Variants in TLL1 observed in about 807,000 individuals in gnomAD.
TLL1 encodes the protein tolloid-like protein 1.
Under a neutral mutation model 128.2 loss-of-function variants are expected in TLL1, and 49 were observed. That is an observed-to-expected ratio of 0.38 (90% CI 0.30 to 0.48). The LOEUF (loss-of-function observed/expected upper bound fraction) is 0.48. TLL1 is among the 20% of genes least tolerant of loss of function. The pLI is 0.96. For synonymous variants in TLL1, 454 were observed against 418.8 expected (o/e 1.08, Z -1.03); for missense variants, 1,123 against 1,242.0 (o/e 0.90, Z 1.44).
intron 12 of TLL1, among the ~76,000 whole-genome samples, chr4:166,045,282 C>T (rs115125479): frequency 2.5e-3 from 383 of 151,906 alleles, no homozygotes; most frequent in Non-Finnish European, 4.2e-3. Context: ...TGACCAAAAC[C>T]GAACCCTTGC....
At chr4:166,030,771 T>C in intron 9 of TLL1, 2 of 1,104,710 alleles carry the variant, frequency 1.8e-6, no homozygotes, top group Non-Finnish European at 2.2e-6. Context: ...TGCTCATGTT[T>C]CTGACTTCTA....
Position 166,007,930 on chromosome 4 carries a change from C to T in TLL1, c.812-13C>T. ...AAAAGGCTTCTGAGATTTTGTTTAT[C>T]CCTGGTTCTTAGGTCAAGAGTACAA... is the stretch of plus-strand genomic sequence containing the variant. On this transcript the variant is annotated splice_polypyrimidine_tract_variant and intron_variant, in intron 6 of 20. Coordinates refer to ENST00000061240, the MANE Select transcript of TLL1 (RefSeq NM_012464.5). The T allele has an allele frequency of 1.9e-6, 3 of 1,565,136 alleles. No individual in the cohort carries two copies. Among genetic ancestry groups the T allele is most frequent in the Non-Finnish European group, 2.6e-6 (3 of 1,136,572 alleles).
intron 1 of TLL1, among the ~76,000 whole-genome samples, chr4:165,951,157 C>T (rs1447320293): frequency 6.6e-6 from 1 of 152,008 alleles, no homozygotes; most frequent in Admixed American, 6.6e-5. Context: ...ATGAAATAGA[C>T]AAATTATTTG....
chr4:166,083,637 A>G lies in TLL1; in HGVS notation c.2442+5607A>G, dbSNP rs1257291723. Among the ~76,000 whole-genome samples, 2 of 122,866 alleles carry G rather than the reference A, an allele frequency of 1.6e-5. 1 individual carries two copies. Among genetic ancestry groups the G allele is most frequent in the Non-Finnish European group, 3.8e-5 (2 of 52,184 alleles). The allele number at this position is 122,866 out of a possible 152,430, so 80.6% of individuals were successfully genotyped here. Reference sequence around the variant, plus strand: ...ATTCCACATGTAAGTGTGACCATGTAGTATTTATCTTTCTGTGCCTGGCTT... The same window carrying G: ...ATTCCACATGTAAGTGTGACCATGTGGTATTTATCTTTCTGTGCCTGGCTT... On this transcript the variant is annotated intron_variant, in intron 18 of 20. Transcript: ENST00000061240.
At chr4:166,047,662 C>T (rs1037423998) in intron 12 of TLL1, among the ~76,000 whole-genome samples, 2 of 152,000 alleles carry the variant, frequency 1.3e-5, no homozygotes, top group Non-Finnish European at 2.9e-5. Flanking sequence ...TTGCCAGTGC[C>T]ATTTGCATTT....
intron 5 of TLL1, 88 bp from the exon 6 acceptor site, chr4:166,003,303 A>C (rs762939013): frequency 7.4e-6 from 10 of 1,348,642 alleles, no homozygotes; most frequent in Non-Finnish European, 1.1e-5. Context: ...TTTATAGCTC[A>C]TCACTATTCT....
At chr4:165,880,986 G>A (rs561736625) in intron 1 of TLL1, among the ~76,000 whole-genome samples, 5 of 152,270 alleles carry the variant, frequency 3.3e-5, no homozygotes, top group East Asian at 3.9e-4. Flanking sequence ...AAACCACCTT[G>A]GCATTAGCTC....
intron 1 of TLL1, among the ~76,000 whole-genome samples, chr4:165,889,659 G>C (rs990759585): frequency 1.2e-4 from 19 of 152,126 alleles, no homozygotes; most frequent in Admixed American, 1.1e-3. Flanking sequence ...GCTTTTCTTT[G>C]TCAGTGAGGT....
chr4:165,996,013 G>GT (rs1333906329), intron 5 of TLL1, among the ~76,000 whole-genome samples: 2 of 151,918 alleles, frequency 1.3e-5, no homozygotes, highest in Non-Finnish European at 2.9e-5. Context: ...CTGCCAAACT[G>GT]TTTTTCCTCA....
At chr4:165,878,257 TAGTC>T (rs1730808878) in intron 1 of TLL1, among the ~76,000 whole-genome samples, 1 of 152,210 alleles carries the variant, frequency 6.6e-6, no homozygotes, top group African/African-American at 2.4e-5. Flanking sequence ...ATTTATTTCT[TAGTC>T]GGTGCCTCTC....
chr4:165,884,512 G>T (rs1731089606), intron 1 of TLL1, among the ~76,000 whole-genome samples: 1 of 152,158 alleles, frequency 6.6e-6, no homozygotes, highest in Non-Finnish European at 1.5e-5. Flanking sequence ...TAAGCAGCTT[G>T]GTTTTAAAAT....
chr4:166,015,209 C>T (rs1194424638), intron 8 of TLL1, among the ~76,000 whole-genome samples: 1 of 152,002 alleles, frequency 6.6e-6, no homozygotes, highest in Non-Finnish European at 1.5e-5. Context: ...CCAGTATACT[C>T]ACAATATTTG....
At chr4:165,977,971 T>C (rs1735968279) in intron 1 of TLL1, among the ~76,000 whole-genome samples, 1 of 152,214 alleles carries the variant, frequency 6.6e-6, no homozygotes, top group Non-Finnish European at 1.5e-5. Flanking sequence ...TATGAACTAA[T>C]GGGTTTAAAC....
At chr4:165,913,076 C>T (rs551661263) in intron 1 of TLL1, among the ~76,000 whole-genome samples, 41 of 152,158 alleles carry the variant, frequency 2.7e-4, no homozygotes, top group Non-Finnish European at 5.1e-4. Flanking sequence ...TAAGAGATTT[C>T]GGCCAATTTC....
At chr4:165,937,782 A>G (rs1283208444) in intron 1 of TLL1, among the ~76,000 whole-genome samples, 3 of 151,834 alleles carry the variant, frequency 2.0e-5, no homozygotes, top group Admixed American at 1.3e-4. Context: ...TTTACTTGGT[A>G]TAAAATCTTT....
chr4:165,898,384 A>G (rs1340646298), intron 1 of TLL1, among the ~76,000 whole-genome samples: 1 of 152,152 alleles, frequency 6.6e-6, no homozygotes, highest in Non-Finnish European at 1.5e-5. Flanking sequence ...AATAGCTCTT[A>G]TTATTTTGAG....
At chr4:165,883,816 A>T (rs1731063611) in intron 1 of TLL1, among the ~76,000 whole-genome samples, 1 of 152,226 alleles carries the variant, frequency 6.6e-6, no homozygotes, top group Admixed American at 6.5e-5. Flanking sequence ...GTTTTAAAAG[A>T]TACCAGAGGC....
chr4:166,089,025 A>G (rs923052036), intron 18 of TLL1, among the ~76,000 whole-genome samples: 3 of 152,004 alleles, frequency 2.0e-5, no homozygotes, highest in African/African-American at 4.8e-5. Flanking sequence ...ACTACCTCCA[A>G]CTTTCTTAAA....
chr4:166,025,164 A>G, intron 8 of TLL1, 152 bp from the exon 9 acceptor site: 1 of 618,844 alleles, frequency 1.6e-6, no homozygotes, highest in South Asian at 2.0e-5. Context: ...TAAGGGACAT[A>G]AAAATAAATT....
Sources: gnomAD v4.1 joint callset for allele counts (sites outside exome capture counted in the v4.1 genomes callset) on GRCh38, gnomAD v4.1.1 for gene constraint, MANE v1.5 for transcripts, NCBI Gene and HGNC (gene_info 2026-07-23, HGNC 2026-07-21) for gene names.